The following ALPK1 variants were observed in gnomAD, a reference collection of about 807,000 sequenced individuals.
The protein encoded by ALPK1 is alpha kinase 1.
In ALPK1, 110 loss-of-function variants were observed where a neutral mutation model predicts 120.6. That is an observed-to-expected ratio of 0.91 (90% CI 0.78 to 1.07). The LOEUF is 1.07. Among genes scored for constraint, ALPK1 ranks in the 50% least tolerant of loss-of-function variants. The probability of loss-of-function intolerance (pLI) is 0.00; values close to 1 mark genes in which losing one functional copy is unlikely to be tolerated. For missense variants in ALPK1, 1,498 were observed against 1,483.9 expected (o/e 1.01, Z -0.16); for synonymous variants, 582 against 560.3 (o/e 1.04, Z -0.55).
intron 14 of ALPK1, among the ~76,000 whole-genome samples, 197 bp downstream of exon 14, chr4:112,440,069 A>G (rs1734967474): frequency 6.6e-6 from 1 of 152,232 alleles, no homozygotes; most frequent in African/African-American, 2.4e-5. Context: ...AAATGTCTAC[A>G]GTATCACATA....
chr4:112,392,270 C>T (rs1360523909), intron 4 of ALPK1, among the ~76,000 whole-genome samples: 2 of 152,122 alleles, frequency 1.3e-5, no homozygotes, highest in East Asian at 1.9e-4. Flanking sequence ...CCACCCCCAG[C>T]GATCACCATA....
intron 5 of ALPK1, chr4:112,414,558 A>T: frequency 3.6e-6 from 1 of 275,398 alleles, no homozygotes; most frequent in South Asian, 3.4e-5. Flanking sequence ...CAGTGAGGTG[A>T]GATCACACCA....
At chr4:112,411,590 G>A (rs1733465876) in intron 4 of ALPK1, 5 of 555,440 alleles carry the variant, frequency 9.0e-6, no homozygotes, top group Non-Finnish European at 1.3e-5. Flanking sequence ...TGCATTTATC[G>A]CTTCTATAAT....
chr4:112,376,894 C>T (rs1244442482), intron 2 of ALPK1, among the ~76,000 whole-genome samples: 2 of 152,098 alleles, frequency 1.3e-5, no homozygotes, highest in Admixed American at 1.3e-4. Flanking sequence ...GAAAGATAGA[C>T]AAAAAGATTT....
At chr4:112,362,065 A>G (rs1181934825) in intron 2 of ALPK1, among the ~76,000 whole-genome samples, 2 of 152,248 alleles carry the variant, frequency 1.3e-5, no homozygotes, top group Non-Finnish European at 2.9e-5. Context: ...GGGAGCACCT[A>G]TGGGACAAAA....
chr4:112,429,661 T>C (rs1734437792), intron 10 of ALPK1, among the ~76,000 whole-genome samples: 1 of 151,878 alleles, frequency 6.6e-6, no homozygotes, highest in Non-Finnish European at 1.5e-5. Context: ...TGGTGAGACT[T>C]TGTCTCTACA....
rs192327242 is a variant in ALPK1, at chr4:112,301,821, C to T, written c.-153+4352C>T. Among the ~76,000 whole-genome samples, 96 of 152,252 alleles carry T rather than the reference C, an allele frequency of 6.3e-4. 2 individuals carry two copies. The highest frequency in any genetic ancestry group is 2.1e-3 in the African/African-American group (87 of 41,544). ...GAGTGCAGTGATGTGATTGTGATCA[C>T]GGCTCATTGCAAGTTCTACGTCCTG... On this transcript the variant is annotated intron_variant, in intron 1 of 15. Transcript: ENST00000650871.
intron 5 of ALPK1, among the ~76,000 whole-genome samples, chr4:112,418,495 G>A (rs1205977144): frequency 6.6e-6 from 1 of 152,178 alleles, no homozygotes; most frequent in East Asian, 1.9e-4. Context: ...CAGGCACAGG[G>A]AAAGCTATGA....
chr4:112,362,345 A>G (rs1578501443), intron 2 of ALPK1, among the ~76,000 whole-genome samples: 3 of 152,364 alleles, frequency 2.0e-5, no homozygotes, highest in Non-Finnish European at 4.4e-5. Context: ...AAAATGATAC[A>G]AGATATTAAT....
intron 4 of ALPK1, among the ~76,000 whole-genome samples, chr4:112,402,027 G>A (rs1732937654): frequency 6.6e-6 from 1 of 152,146 alleles, no homozygotes; most frequent in Non-Finnish European, 1.5e-5. Flanking sequence ...CCATTGACTT[G>A]AGTCCACCAG....
intron 5 of ALPK1, among the ~76,000 whole-genome samples, chr4:112,419,753 T>G (rs1733908388): frequency 6.6e-6 from 1 of 152,190 alleles, no homozygotes; most frequent in Non-Finnish European, 1.5e-5. Flanking sequence ...TCTGAGATAG[T>G]GGTATCTCTG....
At chr4:112,357,417 G>C (rs1193126391) in intron 2 of ALPK1, 4 of 695,200 alleles carry the variant, frequency 5.8e-6, no homozygotes, top group Non-Finnish European at 7.7e-6. Flanking sequence ...AGTCACCAGA[G>C]GGTGGTTCAG....
chr4:112,299,345 T>A (rs888252342), intron 1 of ALPK1, among the ~76,000 whole-genome samples: 6 of 152,144 alleles, frequency 3.9e-5, no homozygotes. Flanking sequence ...TGCTACTGAT[T>A]TTAGGCAGTA....
Position 112,426,554 on chromosome 4 carries a change from T to G in ALPK1, c.699+11T>G. ...CAGCCGGATAAAAAGGTGGTTTGTC[T>G]AGTGCTTCTTTTTCTCCTTTCCTGT... is the stretch of plus-strand genomic sequence containing the variant. On this transcript the variant is annotated intron_variant, in intron 8 of 15. Coordinates refer to ENST00000650871, the MANE Select transcript of ALPK1 (RefSeq NM_025144.4). The G allele has an allele frequency of 6.5e-7, 1 of 1,536,132 alleles. No individual in the cohort carries two copies. Among genetic ancestry groups the G allele is most frequent in the Non-Finnish European group, 8.7e-7 (1 of 1,146,296 alleles).
At chr4:112,359,724 G>A in intron 2 of ALPK1, 2 of 286,770 alleles carry the variant, frequency 7.0e-6, no homozygotes, top group South Asian at 6.9e-5. Flanking sequence ...CCACGGGCAT[G>A]CAGTATCTGA....
intron 2 of ALPK1, among the ~76,000 whole-genome samples, chr4:112,373,139 T>C (rs1189218898): frequency 2.0e-5 from 3 of 152,232 alleles, no homozygotes; most frequent in Non-Finnish European, 4.4e-5. Context: ...ATGTATATTT[T>C]AATCTCAATG....
At chr4:112,383,690 C>T (rs1036843660) in intron 4 of ALPK1, 8 of 152,218 alleles carry the variant, frequency 5.3e-5, no homozygotes, top group Non-Finnish European at 1.0e-4. Context: ...TTAACTATCA[C>T]TATAGAGTTT....
At chr4:112,297,572 A>G (rs1727591712) in intron 1 of ALPK1, 103 bp downstream of exon 1, 1 of 151,608 alleles carries the variant, frequency 6.6e-6, no homozygotes. Flanking sequence ...GATCTTGTTT[A>G]TATTTAAATA....
intron 2 of ALPK1, among the ~76,000 whole-genome samples, chr4:112,351,076 A>G (rs1314242592): frequency 6.6e-6 from 1 of 152,236 alleles, no homozygotes; most frequent in Non-Finnish European, 1.5e-5. Flanking sequence ...GGGCCAGGCT[A>G]ATAGTTCGTC....
Sources: allele counts gnomAD v4.1 joint callset (sites outside exome capture counted in the v4.1 genomes callset), GRCh38; gene constraint gnomAD v4.1.1; transcripts MANE v1.5; gene names NCBI Gene and HGNC (gene_info 2026-07-23, HGNC 2026-07-21).